Variants in CABYR observed in about 807,000 individuals in gnomAD.
CABYR encodes calcium binding tyrosine phosphorylation regulated, also known as calcium-binding tyrosine phosphorylation-regulated protein.
CABYR carries 31 observed loss-of-function variants against 36.1 expected under a neutral mutation model. The observed-to-expected ratio is 0.86, with a 90% CI of 0.64 to 1.16. The LOEUF (loss-of-function observed/expected upper bound fraction) is 1.16. CABYR is among the 50% of genes most tolerant of loss of function. CABYR has a pLI of 0.00. For synonymous variants in CABYR, 146 were observed against 160.7 expected (o/e 0.91, Z 0.69); for missense variants, 429 against 455.8 (o/e 0.94, Z 0.53).
At chr18:24,142,668 A>G (rs2085353387) in intron 1 of CABYR, among the ~76,000 whole-genome samples, 2 of 151,220 alleles carry the variant, frequency 1.3e-5, no homozygotes, top group Non-Finnish European at 2.9e-5. Context: ...AACTACCATC[A>G]AGAATTAGCC....
At chr18:24,152,308 G>A (rs1038018735) in intron 3 of CABYR, among the ~76,000 whole-genome samples, 1 of 152,252 alleles carries the variant, frequency 6.6e-6, no homozygotes, top group Admixed American at 6.5e-5. Flanking sequence ...TTCACTTAGT[G>A]TCCACAGAAA....
Position 24,159,950 on chromosome 18 carries a change from T to G in CABYR, c.1020T>G (p.Asp340Glu). The G allele has an allele frequency of 6.2e-7, 1 of 1,614,154 alleles. No individual in the cohort carries two copies. Residue 340 changes from aspartate to glutamate, a missense_variant, in exon 5 of 6, where the codon GAT (aspartate) becomes GAG (glutamate). Coordinates refer to ENST00000399496, the MANE Select transcript of CABYR (RefSeq NM_153769.3). ...VFLSVAFPVE[D>E]VAKKSSGSGD... ...TTTCTGTTGCTTTCCCAGTAGAAGA[T>G]GTAGCTAAAAAAAGTTCAGGATCTG...
intron 3 of CABYR, 131 bp downstream of exon 3, chr18:24,143,544 A>AATAT (rs879504513): frequency 1.5e-5 from 5 of 342,164 alleles, no homozygotes; most frequent in Admixed American, 5.0e-5. Context: ...TCCTTTTTAA[A>AATAT]ATATATATAT....
intron 3 of CABYR, among the ~76,000 whole-genome samples, chr18:24,149,631 C>G (rs187711627): frequency 2.0e-5 from 3 of 152,208 alleles, no homozygotes; most frequent in African/African-American, 4.8e-5. Context: ...AGGCTCGGGC[C>G]GCACAGGAGT....
intron 3 of CABYR, among the ~76,000 whole-genome samples, chr18:24,151,080 A>T (rs2085619296): frequency 6.6e-6 from 1 of 151,954 alleles, no homozygotes; most frequent in African/African-American, 2.4e-5. Flanking sequence ...TACCTTTCAG[A>T]TTTCCCATTC....
intron 4 of CABYR, among the ~76,000 whole-genome samples, chr18:24,158,015 G>T (rs2085838470): frequency 6.6e-6 from 1 of 152,208 alleles, no homozygotes; most frequent in Non-Finnish European, 1.5e-5. Flanking sequence ...CTGCACAGCT[G>T]GAAAGGCAGA....
In CABYR at chr18:24,155,811, GAC is replaced by G. The variant is rs2085765618; in HGVS notation, c.314_315del (p.Thr105ArgfsTer11). 3 of 1,614,072 alleles carry G rather than the reference GAC, an allele frequency of 1.9e-6. No individual in the cohort carries two copies. The highest frequency in any genetic ancestry group is 2.7e-5 in the African/African-American group (2 of 74,938). The part of the protein sequence containing the change: ...KVPTQMEKST[D>X]TDEDNVTRTE... ...ACCTACCCAGATGGAAAAATCTACA[GAC>G]ACAGACGAGGACAATGTAACCAGAA... On this transcript the variant is annotated frameshift_variant, in exon 4 of 6. Transcript: ENST00000399496. LOFTEE classifies it high-confidence loss of function.
chr18:24,161,162 TA>T (rs1264440976), intron 5 of CABYR, among the ~76,000 whole-genome samples: 5 of 148,446 alleles, frequency 3.4e-5, no homozygotes, highest in African/African-American at 1.3e-4. Flanking sequence ...ATTAGTTACT[TA>T]AAATAATTAG....
At position 24,143,375 on chromosome 18, in the gene CABYR, A is replaced by G. The variant is rs1261402884; in HGVS notation, c.161A>G (p.Asp54Gly). The part of the protein sequence containing the change: ...LTMYRGNTTM[D>G]IKDLVKQFHQ... ...ATTCCTTCAGGGAATACTACTATGG[A>G]TATAAAAGATCTGGTTAAACAATTT... Residue 54 changes from aspartate to glycine, a missense_variant, in exon 3 of 6, where the codon GAT (aspartate) becomes GGT (glycine). By Grantham distance (94) the Asp-to-Gly change is moderately conservative. Transcript: ENST00000399496. 2 of 1,582,484 alleles carry G rather than the reference A, an allele frequency of 1.3e-6. No individual in the cohort carries two copies. The highest frequency in any genetic ancestry group is 1.1e-5 in the South Asian group (1 of 87,832).
chr18:24,160,328 T>C lies in CABYR; in HGVS notation c.1139+259T>C. ...ATGAAACTAATGAACTCAGTCACCT[T>C]TGAATACCTAGTCCATTGTCTAACA... On this transcript the variant is annotated intron_variant, in intron 5 of 5. Transcript: ENST00000399496. The C allele has an allele frequency of 1.1e-5, 5 of 458,112 alleles. No homozygotes were observed. The South Asian group carries it at 1.5e-4, about 14-fold the overall frequency. 28.4% of individuals were successfully genotyped at this position (458,112 alleles called of 1,614,324 possible).
chr18:24,139,343 AAGTCC>A (rs1373219234), intron 1 of CABYR: 3 of 152,128 alleles, frequency 2.0e-5, no homozygotes, highest in African/African-American at 7.2e-5. Context: ...TCTCTTGGAC[AAGTCC>A]AGGCGATGTG....
At chr18:24,160,093 T>C in intron 5 of CABYR, 24 bp downstream of exon 5, 1 of 1,510,010 alleles carries the variant, frequency 6.6e-7, no homozygotes, top group Non-Finnish European at 9.1e-7. Context: ...CCTACCATAA[T>C]ATTTAGGCCT....
intron 3 of CABYR, among the ~76,000 whole-genome samples, chr18:24,153,407 G>A (rs991821324): frequency 2.6e-5 from 4 of 152,184 alleles, no homozygotes; most frequent in Admixed American, 1.3e-4. Flanking sequence ...TGTGAGGCAC[G>A]TGGAAAAGTG....
chr18:24,159,497 A>G lies in CABYR; in HGVS notation c.567A>G (p.Gln189=). ...CAATGGCAACAAGTGAACGAGGACAACCACCACCATGTTCTAACATGTGGA... is the reference window on the plus strand; with the variant it reads ...CAATGGCAACAAGTGAACGAGGACAGCCACCACCATGTTCTAACATGTGGA... ...MLAMATSERG[Q]PPPCSNMWTL... is the part of the protein sequence containing the mutation. Residue 189 remains glutamine, a synonymous_variant, in exon 5 of 6, where the codon CAA becomes CAG. Transcript: ENST00000399496. 1 of 1,613,590 alleles carries G rather than the reference A, an allele frequency of 6.2e-7. No homozygotes were observed. Among genetic ancestry groups the G allele is most frequent in the Admixed American group, 1.7e-5 (1 of 59,932 alleles).
intron 3 of CABYR, among the ~76,000 whole-genome samples, chr18:24,147,779 T>A (rs1273930476): frequency 1.3e-5 from 2 of 152,194 alleles, no homozygotes; most frequent in Non-Finnish European, 2.9e-5. Context: ...AAGAGCAGCA[T>A]TTAACACAAT....
chr18:24,149,181 C>A (rs1331889211), intron 3 of CABYR, among the ~76,000 whole-genome samples: 1 of 151,988 alleles, frequency 6.6e-6, no homozygotes, highest in African/African-American at 2.4e-5. Context: ...TTGGTGCATT[C>A]ACAAACCCTG....
At chr18:24,158,721 C>G (rs990976571) in intron 4 of CABYR, among the ~76,000 whole-genome samples, 8 of 152,156 alleles carry the variant, frequency 5.3e-5, no homozygotes, top group African/African-American at 1.9e-4. Context: ...AGTGAAACTC[C>G]TCTATTGGGA....
chr18:24,145,513 G>T (rs2085437768), intron 3 of CABYR, among the ~76,000 whole-genome samples: 1 of 152,184 alleles, frequency 6.6e-6, no homozygotes, highest in Admixed American at 6.5e-5. Flanking sequence ...TGAGTCTTCA[G>T]TGTGGCTGGG....
At chr18:24,157,305 A>C (rs1172818465) in intron 4 of CABYR, among the ~76,000 whole-genome samples, 1 of 152,236 alleles carries the variant, frequency 6.6e-6, no homozygotes, top group Non-Finnish European at 1.5e-5. Flanking sequence ...AAATATATTC[A>C]TGTGATCTGA....
Sources: gnomAD v4.1 joint callset for allele counts (sites outside exome capture counted in the v4.1 genomes callset) on GRCh38, gnomAD v4.1.1 for gene constraint, MANE v1.5 for transcripts, NCBI Gene and HGNC (gene_info 2026-07-23, HGNC 2026-07-21) for gene names.